PIAS1: variants seen among roughly 807,000 people sequenced by gnomAD.
The protein encoded by PIAS1 is E3 SUMO-protein ligase PIAS1.
PIAS1 carries 6 observed loss-of-function variants against 71.3 expected under a neutral mutation model. The observed-to-expected ratio is 0.08, with a 90% CI of 0.05 to 0.17. The LOEUF is 0.17. PIAS1 is among the 10% of genes least tolerant of loss of function. The probability of loss-of-function intolerance (pLI) is 1.00; values close to 1 mark genes in which losing one functional copy is unlikely to be tolerated. For missense variants in PIAS1, 555 were observed against 793.6 expected (o/e 0.70, Z 3.61); for synonymous variants, 303 against 292.9 (o/e 1.03, Z -0.35).
Position 68,188,121 on chromosome 15 carries a change from A to C in PIAS1, c.*286A>C, listed in dbSNP as rs1462345184. Reference sequence around the variant, plus strand: ...AAACAAGCACCCACAAACCACCTTCAGTTCATTTTTTTCTGGATTCTGAAG... The same window carrying C: ...AAACAAGCACCCACAAACCACCTTCCGTTCATTTTTTTCTGGATTCTGAAG... On this transcript the variant is annotated 3_prime_UTR_variant, in exon 14 of 14. Transcript: ENST00000249636. 1 of 218,836 alleles carries C rather than the reference A, an allele frequency of 4.6e-6. No individual in the cohort carries two copies. The highest frequency in any genetic ancestry group is 8.9e-5 in the East Asian group (1 of 11,258). 13.6% of individuals were successfully genotyped at this position (218,836 alleles called of 1,614,324 possible).
At chr15:68,154,606 T>C (rs1336184951) in intron 7 of PIAS1, among the ~76,000 whole-genome samples, 2 of 152,232 alleles carry the variant, frequency 1.3e-5, no homozygotes, top group South Asian at 4.1e-4. Flanking sequence ...TGTAACTTAT[T>C]TCTGTGGCAG....
At position 68,171,290 on chromosome 15, in the gene PIAS1, C is replaced by G. The variant is rs2092989810; in HGVS notation, c.1009-2442C>G. On this transcript the variant is annotated intron_variant, in intron 8 of 13. Coordinates refer to ENST00000249636, the MANE Select transcript of PIAS1 (RefSeq NM_016166.3). The surrounding 1 kb of genome is among the most constrained non-coding windows in gnomAD (Gnocchi z 4.4). ...TTCTCTCTTATGGTAACAGTGCCTTCTTCTGGAATACCTCCTGAAGGACCT... is the reference window on the plus strand; with the variant it reads ...TTCTCTCTTATGGTAACAGTGCCTTGTTCTGGAATACCTCCTGAAGGACCT... Among the ~76,000 whole-genome samples, 1 of 152,164 alleles carries G rather than the reference C, an allele frequency of 6.6e-6. No individual in the cohort carries two copies. Among genetic ancestry groups the G allele is most frequent in the African/African-American group, 2.4e-5 (1 of 41,442 alleles).
intron 2 of PIAS1, among the ~76,000 whole-genome samples, chr15:68,138,073 A>G (rs186666652): frequency 1.3e-5 from 2 of 152,248 alleles, no homozygotes; most frequent in Non-Finnish European, 2.9e-5. Flanking sequence ...TTGCTTGAGC[A>G]CAGGAGTTTG....
chr15:68,055,797 A>G, intron 1 of PIAS1: 1 of 634,304 alleles, frequency 1.6e-6, no homozygotes. Context: ...GACAACTTCT[A>G]GAACAACCAA....
intron 1 of PIAS1, chr15:68,057,366 G>A (rs952891546): frequency 3.0e-6 from 1 of 328,438 alleles, no homozygotes; most frequent in African/African-American, 2.3e-5. Context: ...AGATGATCTT[G>A]GTAGTTAATA....
chr15:68,088,176 G>GTGTGTGTATATATATATATA (rs150997979), intron 2 of PIAS1, among the ~76,000 whole-genome samples: 5 of 73,008 alleles, frequency 6.8e-5, no homozygotes, highest in African/African-American at 3.1e-4. Context: ...TTATGTGTGT[G>GTGTGTGTATATATATATATA]TATATATATA....
At chr15:68,087,979 C>G in intron 2 of PIAS1, 1 of 239,670 alleles carries the variant, frequency 4.2e-6, no homozygotes, top group Non-Finnish European at 8.7e-6. Context: ...ATAAAACTGA[C>G]ACATGCTCAT....
Position 68,186,689 on chromosome 15 carries a change from A to G in PIAS1, c.1663-853A>G, listed in dbSNP as rs2093089936. Among the ~76,000 whole-genome samples, 1 of 152,238 alleles carries G rather than the reference A, an allele frequency of 6.6e-6. No homozygotes were observed. The highest frequency in any genetic ancestry group is 1.5e-5 in the Non-Finnish European group (1 of 68,050). On this transcript the variant is annotated intron_variant, in intron 13 of 13. Transcript: ENST00000249636. The surrounding 1 kb of genome is among the most constrained non-coding windows in gnomAD (Gnocchi z 4.4). ...TCCATTCATGGTAAGTGCCCTATAC[A>G]GGTGTATCATTTTTTTATCTTTTAT...
chr15:68,148,925 G>A (rs543327079), intron 6 of PIAS1, among the ~76,000 whole-genome samples: 1 of 152,012 alleles, frequency 6.6e-6, no homozygotes, highest in African/African-American at 2.4e-5. Flanking sequence ...GTAAGTAGGG[G>A]CATCTGCAGG....
Position 68,193,751 on chromosome 15 carries a change from A to C in PIAS1, c.*5916A>C. 2.7e-6 allele frequency: 1 copy of C among 372,722 alleles called. No individual in the cohort carries two copies. Among genetic ancestry groups the C allele is most frequent in the African/African-American group, 2.1e-5 (1 of 48,740 alleles). 23.1% of individuals were successfully genotyped at this position (372,722 alleles called of 1,614,324 possible). A position where few individuals can be genotyped will look rare whatever the true frequency, so the allele number is the denominator to read the frequency against. On this transcript the variant is annotated 3_prime_UTR_variant, in exon 14 of 14. Coordinates refer to ENST00000249636, the MANE Select transcript of PIAS1 (RefSeq NM_016166.3). The stretch of plus-strand genomic sequence containing the variant: ...GAGCCAGGACTGGAACCCAGGCCAG[A>C]CTCCAAACCGCAGGCTCCTTCCATG...
chr15:68,179,534 A>AAATCC (rs1315851160), intron 11 of PIAS1, among the ~76,000 whole-genome samples: 1 of 141,732 alleles, frequency 7.1e-6, no homozygotes, highest in Non-Finnish European at 1.5e-5. Flanking sequence ...CTATTCCTAG[A>AAATCC]AATCCAACCT....
intron 2 of PIAS1, among the ~76,000 whole-genome samples, chr15:68,099,104 C>T (rs943447879): frequency 1.3e-5 from 2 of 151,962 alleles, no homozygotes; most frequent in African/African-American, 4.8e-5. Context: ...TTTTAACTTG[C>T]ACTTCTCTTA....
intron 4 of PIAS1, 137 bp from the exon 5 acceptor site, chr15:68,145,679 G>A (rs1034439199): frequency 1.5e-5 from 9 of 591,812 alleles, no homozygotes; most frequent in Non-Finnish European, 2.7e-5. Context: ...TTATTAATAG[G>A]GTGAAAAGTC....
At position 68,187,840 on chromosome 15, in the gene PIAS1, C is replaced by G; in HGVS notation, c.*5C>G. 6.2e-7 allele frequency: 1 copy of G among 1,609,840 alleles called. No individual in the cohort carries two copies. The highest frequency in any genetic ancestry group is 8.5e-7 in the Non-Finnish European group (1 of 1,177,812). On this transcript the variant is annotated 3_prime_UTR_variant, in exon 14 of 14. Transcript: ENST00000249636. The surrounding 1 kb of genome is among the most constrained non-coding windows in gnomAD (Gnocchi z 5.3). ...GACATTATTTCATTGGACTGATTCC[C>G]AGGCCCTGCTGCTCCCATCCCCACC...
At chr15:68,068,540 C>T (rs1428920874) in intron 1 of PIAS1, among the ~76,000 whole-genome samples, 1 of 152,064 alleles carries the variant, frequency 6.6e-6, no homozygotes, top group African/African-American at 2.4e-5. Context: ...GCAACCTCTG[C>T]CTCCTGGGTT....
Position 68,187,920 on chromosome 15 carries a change from ACT to A in PIAS1, c.*88_*89del. The A allele has an allele frequency of 7.8e-7, 1 of 1,274,520 alleles. No homozygotes were observed. The highest frequency in any genetic ancestry group is 1.1e-6 in the Non-Finnish European group (1 of 918,060). The allele number at this position is 1,274,520 out of a possible 1,614,324, so 79.0% of individuals were successfully genotyped here. ...AGAACTTTGTGCTCTGTTTTACCTT[ACT>A]CTGTTTAGAAAAGTATACAAGCGTG... On this transcript the variant is annotated 3_prime_UTR_variant, in exon 14 of 14. Coordinates refer to ENST00000249636, the MANE Select transcript of PIAS1 (RefSeq NM_016166.3). This position sits in a 1 kb window ranked among gnomAD's most constrained non-coding sequence, Gnocchi z 5.3.
intron 2 of PIAS1, among the ~76,000 whole-genome samples, chr15:68,140,840 A>T (rs2141045908): frequency 6.6e-6 from 1 of 152,286 alleles, no homozygotes; most frequent in South Asian, 2.1e-4. Context: ...TCTTAATAAT[A>T]ACTCTTAGTG....
In PIAS1 at chr15:68,166,662, G is replaced by A. The variant is rs1029001342; in HGVS notation, c.1008+1858G>A. On this transcript the variant is annotated intron_variant, in intron 8 of 13. Coordinates refer to ENST00000249636, the MANE Select transcript of PIAS1 (RefSeq NM_016166.3). The stretch of plus-strand genomic sequence containing the variant: ...TGTTTATAGTTGTACTAATATATAT[G>A]ATGCTTTATGTTTAACACATATATG... 4.1e-4 allele frequency among the ~76,000 whole-genome samples: 63 copies of A among 152,110 alleles called. 1 individual carries two copies. Among genetic ancestry groups the A allele is most frequent in the Non-Finnish European group, 8.8e-5 (6 of 68,014 alleles).
chr15:68,054,457 C>T lies in PIAS1; in HGVS notation c.24+107C>T, dbSNP rs2091872181. On this transcript the variant is annotated intron_variant, in intron 1 of 13. Transcript: ENST00000249636. This position sits in a 1 kb window ranked among gnomAD's most constrained non-coding sequence, Gnocchi z 4.6. ...GGGGGGCCTCTCGGGCCTGACTCCA[C>T]CCGGGCCTGGAGTTGTAGGGAGAGA... 4.8e-6 allele frequency: 6 copies of T among 1,242,664 alleles called. No individual in the cohort carries two copies. Among genetic ancestry groups the T allele is most frequent in the Non-Finnish European group, 6.8e-6 (6 of 876,248 alleles). 77.0% of individuals were successfully genotyped at this position (1,242,664 alleles called of 1,614,324 possible). A position where few individuals can be genotyped will look rare whatever the true frequency, so the allele number is the denominator to read the frequency against.
Sources: gnomAD v4.1 joint callset for allele counts (sites outside exome capture counted in the v4.1 genomes callset) on GRCh38, gnomAD v4.1.1 for gene constraint, Gnocchi (gnomAD v3.1) non-coding constraint, MANE v1.5 for transcripts, NCBI Gene and HGNC (gene_info 2026-07-23, HGNC 2026-07-21) for gene names.